TECPR2: variants seen among roughly 807,000 people sequenced by gnomAD.
The protein encoded by TECPR2 is tectonin beta-propeller repeat-containing protein 2.
A neutral mutation model predicts 138.1 loss-of-function variants in TECPR2; 65 were observed. That is an observed-to-expected ratio of 0.47 (90% CI 0.39 to 0.58). The LOEUF is 0.58. Among genes scored for constraint, TECPR2 ranks in the 20% least tolerant of loss-of-function variants. The probability of loss-of-function intolerance (pLI) is 0.00; values close to 1 mark genes in which losing one functional copy is unlikely to be tolerated. For synonymous variants in TECPR2, 746 were observed against 749.8 expected (o/e 0.99, Z 0.08); for missense variants, 1,553 against 1,824.5 (o/e 0.85, Z 2.71).
intron 5 of TECPR2, among the ~76,000 whole-genome samples, chr14:102,421,134 A>G (rs142859054): frequency 6.6e-6 from 1 of 152,364 alleles, no homozygotes; most frequent in Non-Finnish European, 1.5e-5. Flanking sequence ...TGGAAATGAC[A>G]AGAGATTTTT....
intron 16 of TECPR2, among the ~76,000 whole-genome samples, chr14:102,456,135 G>A (rs1350499832): frequency 1.3e-5 from 2 of 152,188 alleles, no homozygotes; most frequent in African/African-American, 4.8e-5. Flanking sequence ...CCGTCTAAAT[G>A]TTGGCCATCT....
chr14:102,467,586 A>C (rs941661933), intron 17 of TECPR2, among the ~76,000 whole-genome samples: 3 of 152,100 alleles, frequency 2.0e-5, no homozygotes, highest in Admixed American at 2.0e-4. Flanking sequence ...CCGGCCTCCC[A>C]AAGTGCTGGG....
chr14:102,416,105 CCTT>C (rs893113422), intron 5 of TECPR2, among the ~76,000 whole-genome samples: 10 of 152,088 alleles, frequency 6.6e-5, no homozygotes, highest in African/African-American at 1.7e-4. Context: ...ATGCTGAACA[CCTT>C]CTTTTTTCTT....
intron 1 of TECPR2, among the ~76,000 whole-genome samples, chr14:102,363,936 C>G (rs1371811440): frequency 6.6e-6 from 1 of 152,238 alleles, no homozygotes; most frequent in African/African-American, 2.4e-5. Context: ...TGATATGTCT[C>G]TGACTTCTCA....
intron 16 of TECPR2, among the ~76,000 whole-genome samples, chr14:102,458,166 G>A (rs969165990): frequency 1.3e-5 from 2 of 152,074 alleles, no homozygotes; most frequent in African/African-American, 4.8e-5. Flanking sequence ...GAGCCACTGA[G>A]CCCTGCTGCT....
At chr14:102,495,798 T>C (rs920536592) in intron 17 of TECPR2, among the ~76,000 whole-genome samples, 19 of 152,118 alleles carry the variant, frequency 1.2e-4, no homozygotes, top group Non-Finnish European at 4.4e-5. Flanking sequence ...ACGGGAGGCA[T>C]TTCATACATG....
intron 17 of TECPR2, among the ~76,000 whole-genome samples, chr14:102,485,865 TG>T (rs1891016573): frequency 6.6e-6 from 1 of 152,196 alleles, no homozygotes; most frequent in East Asian, 1.9e-4. Context: ...TGTGTGCCAC[TG>T]GGTCCAGCTT....
At chr14:102,486,759 A>G (rs1891036348) in intron 17 of TECPR2, among the ~76,000 whole-genome samples, 1 of 152,206 alleles carries the variant, frequency 6.6e-6, no homozygotes, top group Non-Finnish European at 1.5e-5. Context: ...AAGGACACAG[A>G]CCACGAAGAG....
chr14:102,493,628 C>T (rs1261633971), intron 17 of TECPR2, among the ~76,000 whole-genome samples: 4 of 152,184 alleles, frequency 2.6e-5, no homozygotes, highest in Non-Finnish European at 5.9e-5. Context: ...GCACAGCTAG[C>T]GGTGGGGACT....
rs1889375402 is a variant in TECPR2 at position 102,428,172 on chromosome 14, A to T, written c.952-78A>T. The T allele has an allele frequency of 2.1e-6, 3 of 1,445,718 alleles. No homozygotes were observed. In the Admixed American group the frequency reaches 8.9e-5, roughly 43 times the overall value. 89.6% of individuals were successfully genotyped at this position (1,445,718 alleles called of 1,614,324 possible). On this transcript the variant is annotated intron_variant, in intron 6 of 19. Transcript: ENST00000359520. Reference sequence around the variant, plus strand: ...ATTTGACTGATTTGGACTCTCACACATGCATTTTTATGCTTTGAGCTGTTA... The same window carrying T: ...ATTTGACTGATTTGGACTCTCACACTTGCATTTTTATGCTTTGAGCTGTTA...
chr14:102,449,882 C>A lies in TECPR2; in HGVS notation c.3316+13C>A, dbSNP rs1228985786. On this transcript the variant is annotated intron_variant, in intron 14 of 19. Transcript: ENST00000359520. ...GGAAGTCTCATAGGTGGGTGAATTG[C>A]TGTAATTTTCACACTGGCTTTATAG... 1.2e-6 allele frequency: 2 copies of A among 1,609,984 alleles called. No individual in the cohort carries two copies. Among genetic ancestry groups the A allele is most frequent in the African/African-American group, 2.7e-5 (2 of 74,864 alleles).
chr14:102,471,645 T>G (rs1242647369), intron 17 of TECPR2, among the ~76,000 whole-genome samples: 1 of 151,984 alleles, frequency 6.6e-6, no homozygotes. Context: ...AAGGCTGTAG[T>G]GAGCTATGAT....
chr14:102,464,732 T>G (rs1189039300), intron 16 of TECPR2, among the ~76,000 whole-genome samples: 1 of 152,192 alleles, frequency 6.6e-6, no homozygotes, highest in Non-Finnish European at 1.5e-5. Flanking sequence ...ACGAGTTCCC[T>G]CTCTCCAAAT....
chr14:102,441,039 G>A (rs769883977), intron 11 of TECPR2, among the ~76,000 whole-genome samples: 12 of 151,162 alleles, frequency 7.9e-5, no homozygotes, highest in African/African-American at 1.2e-4. Flanking sequence ...TTACTTACCC[G>A]TGGGCCAGGA....
intron 2 of TECPR2, among the ~76,000 whole-genome samples, chr14:102,383,301 A>G (rs1042587949): frequency 3.3e-5 from 5 of 152,212 alleles, no homozygotes; most frequent in African/African-American, 9.6e-5. Context: ...TAAGGTTTAT[A>G]TGCGTTAGCG....
rs1891389179 is a variant in TECPR2 at position 102,499,547 on chromosome 14, C to A, written c.*1290C>A. The stretch of plus-strand genomic sequence containing the variant: ...CTGCGGGCTGGCTCCGAGTGGCAGC[C>A]CATGCCTTCTGCGGGGTATGGGTTG... On this transcript the variant is annotated 3_prime_UTR_variant, in exon 20 of 20. Transcript: ENST00000359520. The A allele has an allele frequency of 7.6e-6, 3 of 394,226 alleles. No individual in the cohort carries two copies. The Admixed American group carries it at 1.2e-4, about 15-fold the overall frequency. 24.4% of individuals were successfully genotyped at this position (394,226 alleles called of 1,614,324 possible).
In TECPR2 at chr14:102,498,292, C is replaced by T. The variant is rs1163092266; in HGVS notation, c.*35C>T. ...GGCCGAGTCACGCGGAGGGGCCCGG[C>T]GTCTGTGGCGGGCACAGGGGCTTCA... On this transcript the variant is annotated 3_prime_UTR_variant, in exon 20 of 20. Transcript: ENST00000359520. 5.7e-6 allele frequency: 9 copies of T among 1,578,156 alleles called. No individual in the cohort carries two copies. The highest frequency in any genetic ancestry group is 1.3e-5 in the African/African-American group (1 of 74,644).
Position 102,498,771 on chromosome 14 carries a change from T to C in TECPR2, c.*514T>C, listed in dbSNP as rs1228649489. 8.0e-6 allele frequency: 4 copies of C among 497,572 alleles called. No homozygotes were observed. Among genetic ancestry groups the C allele is most frequent in the East Asian group, 4.4e-5 (1 of 22,558 alleles). 30.8% of individuals were successfully genotyped at this position (497,572 alleles called of 1,614,324 possible). A position where few individuals can be genotyped will look rare whatever the true frequency, so the allele number is the denominator to read the frequency against. The stretch of plus-strand genomic sequence containing the variant: ...CCAGAGACAAAGCTGCAGAGCACAT[T>C]CCATGCCAGACGCTCTGGCCAGGAA... On this transcript the variant is annotated 3_prime_UTR_variant, in exon 20 of 20. Transcript: ENST00000359520.
At chr14:102,467,578 G>A (rs563807832) in intron 17 of TECPR2, among the ~76,000 whole-genome samples, 15 of 151,960 alleles carry the variant, frequency 9.9e-5, no homozygotes, top group African/African-American at 3.4e-4. Context: ...ACCCTCCCCC[G>A]GCCTCCCAAA....
Sources: allele counts gnomAD v4.1 joint callset (sites outside exome capture counted in the v4.1 genomes callset), GRCh38; gene constraint gnomAD v4.1.1; transcripts MANE v1.5; gene names NCBI Gene and HGNC (gene_info 2026-07-23, HGNC 2026-07-21).